DNAH3: variants seen among roughly 807,000 people sequenced by gnomAD.
The protein encoded by DNAH3 is axonemal beta dynein heavy chain 3.
DNAH3 carries 332 observed loss-of-function variants against 432.5 expected under a neutral mutation model. That is an observed-to-expected ratio of 0.77 (90% CI 0.70 to 0.84). The LOEUF is 0.84. Among genes scored for constraint, DNAH3 ranks in the 40% least tolerant of loss-of-function variants. The probability of loss-of-function intolerance (pLI) is 0.00; values close to 1 mark genes in which losing one functional copy is unlikely to be tolerated. For missense variants in DNAH3, 4,861 were observed against 5,114.0 expected (o/e 0.95, Z 1.51); for synonymous variants, 1,956 against 1,900.2 (o/e 1.03, Z -0.76).
At chr16:21,092,698 CAAA>C (rs61277332) in intron 18 of DNAH3, among the ~76,000 whole-genome samples, 2 of 11,536 alleles carry the variant, frequency 1.7e-4, no homozygotes, top group Non-Finnish European at 3.3e-4. Context: ...AAAATATTTG[CAAA>C]AAAAAAAAAA....
intron 18 of DNAH3, among the ~76,000 whole-genome samples, chr16:21,088,384 T>G (rs1044237318): frequency 2.6e-5 from 4 of 152,224 alleles, no homozygotes; most frequent in Middle Eastern, 3.4e-3. Flanking sequence ...CACTCTATAG[T>G]TGTAAGAGTG....
intron 7 of DNAH3, among the ~76,000 whole-genome samples, chr16:21,130,776 C>A (rs879876093): frequency 6.6e-6 from 1 of 152,178 alleles, no homozygotes; most frequent in Non-Finnish European, 1.5e-5. Flanking sequence ...GTCTTTGCTA[C>A]GAGATCAATT....
intron 7 of DNAH3, among the ~76,000 whole-genome samples, chr16:21,128,870 A>G (rs1597445414): frequency 7.4e-6 from 1 of 135,562 alleles, no homozygotes; most frequent in Non-Finnish European, 1.6e-5. Context: ...ACAAAGAAAA[A>G]AAAAAAAAAA....
At chr16:20,987,774 C>G (rs770654197) in exon 46 of DNAH3, 122 of 1,613,932 alleles carry the variant, frequency 7.6e-5, no homozygotes, top group Non-Finnish European at 9.5e-5. Context: ...AATGTGACTT[C>G]GAGGGAGTTG....
intron 21 of DNAH3, among the ~76,000 whole-genome samples, chr16:21,074,746 G>A (rs1477721047): frequency 3.3e-5 from 5 of 151,442 alleles, no homozygotes; most frequent in African/African-American, 1.2e-4. Context: ...CCAATGGTCT[G>A]CAGGATGTGT....
intron 10 of DNAH3, 103 bp downstream of exon 11, chr16:21,121,842 T>C (rs2092349535): frequency 1.0e-6 from 1 of 958,428 alleles, no homozygotes; most frequent in Non-Finnish European, 1.5e-6. Context: ...TGAAGCTCCC[T>C]TAACTGAATA....
intron 14 of DNAH3, among the ~76,000 whole-genome samples, chr16:21,110,003 C>A (rs117079421): frequency 6.6e-6 from 1 of 152,130 alleles, no homozygotes; most frequent in Non-Finnish European, 1.5e-5. Flanking sequence ...CTCCACCTCC[C>A]AAAGTAAACC....
chr16:21,092,243 C>T (rs919871157), intron 18 of DNAH3, among the ~76,000 whole-genome samples: 16 of 152,086 alleles, frequency 1.1e-4, no homozygotes, highest in African/African-American at 3.6e-4. Flanking sequence ...ATCAAAAAAG[C>T]GTGGTATTGG....
chr16:21,026,918 G>T, intron 38 of DNAH3, 109 bp downstream of exon 38: 1 of 713,060 alleles, frequency 1.4e-6, no homozygotes, highest in Non-Finnish European at 2.4e-6. Flanking sequence ...TAATAATGTA[G>T]ATGATCTGCG....
intron 16 of DNAH3, among the ~76,000 whole-genome samples, chr16:21,102,338 C>T (rs1344523545): frequency 6.6e-6 from 1 of 152,228 alleles, no homozygotes; most frequent in Admixed American, 6.5e-5. Context: ...CTAACTTCAA[C>T]AGCATTTACT....
chr16:21,105,702 G>T (rs921717188), intron 15 of DNAH3, among the ~76,000 whole-genome samples: 4 of 152,018 alleles, frequency 2.6e-5, no homozygotes, highest in African/African-American at 9.7e-5. Context: ...AGAGGCAGAG[G>T]TTGCAGTGAG....
chr16:20,983,056 A>G (rs370683778), intron 48 of DNAH3, 170 bp from the exon 49 acceptor site: 2 of 613,454 alleles, frequency 3.3e-6, no homozygotes, highest in African/African-American at 1.8e-5. Flanking sequence ...AATGCGGGCT[A>G]ATTAGTGGGA....
At chr16:20,971,700 T>C (rs1293668733) in intron 51 of DNAH3, among the ~76,000 whole-genome samples, 3 of 152,108 alleles carry the variant, frequency 2.0e-5, no homozygotes, top group African/African-American at 7.2e-5. Context: ...ATCACTCACC[T>C]CCCTCCTGCT....
At chr16:20,977,678 T>C (rs972558103) in intron 50 of DNAH3, among the ~76,000 whole-genome samples, 1 of 152,218 alleles carries the variant, frequency 6.6e-6, no homozygotes, top group African/African-American at 2.4e-5. Flanking sequence ...TGTGTGATCA[T>C]GGGCAAGACA....
intron 6 of DNAH3, among the ~76,000 whole-genome samples, chr16:21,135,369 G>A (rs1393344386): frequency 6.6e-6 from 1 of 152,160 alleles, no homozygotes; most frequent in African/African-American, 2.4e-5. Context: ...AAGCTTCATA[G>A]AGGATGTAAC....
chr16:21,121,690 C>T (rs2092345913), intron 10 of DNAH3, among the ~76,000 whole-genome samples: 2 of 151,722 alleles, frequency 1.3e-5, no homozygotes, highest in African/African-American at 4.8e-5. Context: ...AAACCTCTGC[C>T]TCCCGGGTTC....
chr16:20,933,215 T>A, exon 62 of DNAH3: 1 of 1,614,272 alleles, frequency 6.2e-7, no homozygotes, highest in Non-Finnish European at 8.5e-7. Flanking sequence ...CTGGGGCATG[T>A]CTGTTGGAAG....
At chr16:21,098,675 T>C in exon 17 of DNAH3, 1 of 1,614,010 alleles carries the variant, frequency 6.2e-7, no homozygotes. Flanking sequence ...TTTTCAACAT[T>C]GTGCTTCATT....
rs765976614 is a variant in DNAH3 at position 20,941,393 on chromosome 16, T to C, written c.11654+8A>G. 1.9e-6 allele frequency: 3 copies of C among 1,613,640 alleles called. No homozygotes were observed. The highest frequency in any genetic ancestry group is 2.5e-6 in the Non-Finnish European group (3 of 1,179,826). ...CTCCCAGGATTCAAGCTACATCATC[T>C]GGCCCACCTGTTGAATCTGATGAGC... On this transcript the variant is annotated splice_region_variant and intron_variant, in intron 59 of 61. Coordinates refer to ENST00000261383, the Ensembl canonical transcript of DNAH3.
Sources: allele counts gnomAD v4.1 joint callset (sites outside exome capture counted in the v4.1 genomes callset), GRCh38; gene constraint gnomAD v4.1.1; transcripts MANE v1.5; gene names NCBI Gene and HGNC (gene_info 2026-07-23, HGNC 2026-07-21).